CCDC60: variants seen among roughly 807,000 people sequenced by gnomAD.
CCDC60 encodes the protein coiled-coil domain-containing protein 60.
In CCDC60, 54 loss-of-function variants were observed where a neutral mutation model predicts 63.5. The observed-to-expected ratio is 0.85, with a 90% confidence interval of 0.68 to 1.07. CCDC60 has a LOEUF of 1.07. Among genes scored for constraint, CCDC60 ranks in the 50% least tolerant of loss-of-function variants. The pLI is 0.00. For missense variants in CCDC60, 651 were observed against 684.3 expected, an observed-to-expected ratio of 0.95 and a Z score of 0.54; for synonymous variants, 206 against 238.8, an observed-to-expected ratio of 0.86 and a Z score of 1.27.
At chr12:119,529,062 C>T (rs1367598147) in intron 12 of CCDC60, among the ~76,000 whole-genome samples, 1 of 152,136 alleles carries the variant, frequency 6.6e-6, no homozygotes, top group Non-Finnish European at 1.5e-5. Flanking sequence ...GGCATATCAA[C>T]CTGAAAATTT....
At position 119,420,680 on chromosome 12, in the gene CCDC60, T is replaced by C. The variant is rs755070033; in HGVS notation, c.91-8003T>C. On this transcript the variant is annotated intron_variant, in intron 1 of 13. Coordinates refer to ENST00000327554, the MANE Select transcript of CCDC60 (RefSeq NM_178499.5). This position sits in a 1 kb window ranked among gnomAD's most constrained non-coding sequence, Gnocchi z 4.1. Reference sequence around the variant, plus strand: ...AGCACAACAGGTTGACTATAGTCAATAATAACTCACTTTTTAAATGACTAA... The same window carrying C: ...AGCACAACAGGTTGACTATAGTCAACAATAACTCACTTTTTAAATGACTAA... Among the ~76,000 whole-genome samples, 3 of 152,146 alleles carry C rather than the reference T, an allele frequency of 2.0e-5. No individual in the cohort carries two copies. Among genetic ancestry groups the C allele is most frequent in the Non-Finnish European group, 4.4e-5 (3 of 68,024 alleles).
At chr12:119,471,871 T>C in intron 2 of CCDC60, 123 bp from the exon 3 acceptor site, 2 of 728,984 alleles carry the variant, frequency 2.7e-6, no homozygotes, top group Non-Finnish European at 4.4e-6. Context: ...TCTTTCTCTC[T>C]ATCCCTCTTT....
intron 4 of CCDC60, among the ~76,000 whole-genome samples, chr12:119,482,599 T>C (rs1327584825): frequency 6.6e-6 from 1 of 152,230 alleles, no homozygotes; most frequent in Non-Finnish European, 1.5e-5. Flanking sequence ...CACTGAAGGC[T>C]GCCTTTTCTT....
intron 3 of CCDC60, among the ~76,000 whole-genome samples, chr12:119,476,322 G>T (rs562708170): frequency 3.0e-4 from 45 of 152,306 alleles, no homozygotes; most frequent in African/African-American, 1.1e-3. Context: ...AGAGATTAGG[G>T]ATGTAAAAGC....
At chr12:119,413,685 T>G (rs1351199281) in intron 1 of CCDC60, among the ~76,000 whole-genome samples, 1 of 152,126 alleles carries the variant, frequency 6.6e-6, no homozygotes, top group African/African-American at 2.4e-5. Context: ...GATGACTTTC[T>G]TCGGGTCACG....
intron 2 of CCDC60, among the ~76,000 whole-genome samples, chr12:119,463,631 C>T (rs373916916): frequency 5.9e-5 from 9 of 152,348 alleles, no homozygotes; most frequent in Admixed American, 2.0e-4. Context: ...TAAGGTCTAC[C>T]GCAGACGCGA....
At chr12:119,407,582 C>T (rs1956517143) in intron 1 of CCDC60, among the ~76,000 whole-genome samples, 1 of 152,142 alleles carries the variant, frequency 6.6e-6, no homozygotes, top group South Asian at 2.1e-4. Flanking sequence ...TCCAAGCACA[C>T]ATGCATGCAT....
Position 119,473,070 on chromosome 12 carries a change from C to T in CCDC60, c.341+906C>T, listed in dbSNP as rs375080370. On this transcript the variant is annotated intron_variant, in intron 3 of 13. Coordinates refer to ENST00000327554, the MANE Select transcript of CCDC60 (RefSeq NM_178499.5). The stretch of plus-strand genomic sequence containing the variant: ...AAAACATTCCTGAGATAGGTGCTAT[C>T]ATTGGCCCCATTTTAGAGATGGAGA... Among the ~76,000 whole-genome samples the T allele has an allele frequency of 4.6e-5, 7 of 152,320 alleles. No homozygotes were observed. In the East Asian group the frequency reaches 1.3e-3, roughly 29 times the overall value.
intron 3 of CCDC60, among the ~76,000 whole-genome samples, chr12:119,477,835 A>G (rs150321379): frequency 1.3e-5 from 2 of 152,296 alleles, no homozygotes; most frequent in East Asian, 3.9e-4. Flanking sequence ...TTTGAAGGCC[A>G]AAGTTTTTTC....
intron 2 of CCDC60, chr12:119,433,749 T>C: frequency 1.6e-6 from 1 of 611,410 alleles, no homozygotes. Flanking sequence ...TTTAATATTT[T>C]AGCCCTCTTG....
chr12:119,408,858 A>G (rs1388754729), intron 1 of CCDC60, among the ~76,000 whole-genome samples: 1 of 152,018 alleles, frequency 6.6e-6, no homozygotes, highest in Non-Finnish European at 1.5e-5. Flanking sequence ...CAATAACCGC[A>G]ATGACATTGG....
chr12:119,491,021 T>C (rs1001108959), intron 5 of CCDC60, among the ~76,000 whole-genome samples: 3 of 152,258 alleles, frequency 2.0e-5, no homozygotes, highest in African/African-American at 7.2e-5. Flanking sequence ...GTCTATGATA[T>C]GTCCTTCCAA....
intron 1 of CCDC60, among the ~76,000 whole-genome samples, chr12:119,411,278 T>C (rs1956594975): frequency 6.6e-6 from 1 of 152,174 alleles, no homozygotes; most frequent in East Asian, 1.9e-4. Context: ...CCCCCAGGTA[T>C]GGGACCAGAA....
chr12:119,437,848 G>A (rs1477255223), intron 2 of CCDC60, among the ~76,000 whole-genome samples: 1 of 152,206 alleles, frequency 6.6e-6, no homozygotes, highest in East Asian at 1.9e-4. Flanking sequence ...CATGGTTAAG[G>A]CTTCTGAAAT....
At chr12:119,451,258 T>A (rs1255014703) in intron 2 of CCDC60, among the ~76,000 whole-genome samples, 1 of 152,168 alleles carries the variant, frequency 6.6e-6, no homozygotes, top group Non-Finnish European at 1.5e-5. Context: ...TTTTGGCCAT[T>A]ACATTGCCAA....
At chr12:119,401,111 CATT>C (rs1956384512) in intron 1 of CCDC60, among the ~76,000 whole-genome samples, 1 of 152,158 alleles carries the variant, frequency 6.6e-6, no homozygotes, top group African/African-American at 2.4e-5. Context: ...AGCTCAAAGA[CATT>C]ATCAACATTC....
chr12:119,403,472 G>C (rs7306221), intron 1 of CCDC60, among the ~76,000 whole-genome samples: 11,818 of 152,176 alleles, frequency 0.078, 588 homozygotes, highest in Middle Eastern at 0.16. Context: ...CCAAGTTGCA[G>C]ATTTCCTGGG....
chr12:119,535,568 C>G (rs1026003384), intron 13 of CCDC60, among the ~76,000 whole-genome samples: 17 of 152,256 alleles, frequency 1.1e-4, no homozygotes, highest in East Asian at 5.8e-4. Context: ...TAAATTTTCC[C>G]TCTACACACT....
chr12:119,528,561 G>C (rs1952753936), intron 11 of CCDC60, 54 bp from the exon 12 acceptor site: 10 of 1,576,706 alleles, frequency 6.3e-6, no homozygotes, highest in Non-Finnish European at 8.6e-6. Context: ...AGCTAAGATG[G>C]TTACAGGAGG....
Sources: gnomAD v4.1 joint callset for allele counts (sites outside exome capture counted in the v4.1 genomes callset) on GRCh38, gnomAD v4.1.1 for gene constraint, Gnocchi (gnomAD v3.1) non-coding constraint, MANE v1.5 for transcripts, NCBI Gene and HGNC (gene_info 2026-07-23, HGNC 2026-07-21) for gene names.